Variants in PIPOX observed in about 807,000 individuals in gnomAD.
The protein encoded by PIPOX is peroxisomal sarcosine oxidase.
In PIPOX, 45 loss-of-function variants were observed where a neutral mutation model predicts 47.9. That is an observed-to-expected ratio of 0.94 (90% CI 0.74 to 1.20). The LOEUF is 1.20. PIPOX is among the 50% of genes most tolerant of loss of function. The probability of loss-of-function intolerance (pLI) is 0.00; values close to 1 mark genes in which losing one functional copy is unlikely to be tolerated. For synonymous variants in PIPOX, 165 were observed against 191.3 expected (o/e 0.86, Z 1.13); for missense variants, 458 against 498.4 (o/e 0.92, Z 0.77).
At chr17:29,046,643 A>G (rs1000517637) in intron 2 of PIPOX, 1 of 985,452 alleles carries the variant, frequency 1.0e-6, no homozygotes, top group South Asian at 4.7e-5. Flanking sequence ...GAGGAGACAG[A>G]TGGGTGCAAC....
intron 2 of PIPOX, among the ~76,000 whole-genome samples, chr17:29,051,701 G>C (rs1489746854): frequency 1.3e-5 from 2 of 152,006 alleles, no homozygotes; most frequent in African/African-American, 4.8e-5. Context: ...ATAGAGGGAG[G>C]TACAGGGAGA....
Position 29,056,407 on chromosome 17 carries a change from C to G in PIPOX, c.*102C>G, listed in dbSNP as rs2065828604. ...GTCCCTGAGATATCATCCTTTTCTT[C>G]TGCCTCGCCTGAATCCCCCATAAAC... On this transcript the variant is annotated 3_prime_UTR_variant, in exon 8 of 8. Coordinates refer to ENST00000323372, the MANE Select transcript of PIPOX (RefSeq NM_016518.3). 3.0e-6 allele frequency: 4 copies of G among 1,351,498 alleles called. No individual in the cohort carries two copies. In the South Asian group the frequency reaches 5.2e-5, roughly 17 times the overall value. 83.7% of individuals were successfully genotyped at this position (1,351,498 alleles called of 1,614,324 possible). A position where few individuals can be genotyped will look rare whatever the true frequency, so the allele number is the denominator to read the frequency against.
At position 29,052,995 on chromosome 17, in the gene PIPOX, G is replaced by A; in HGVS notation, c.339G>A (p.Gln113=). 6.2e-7 allele frequency: 1 copy of A among 1,614,280 alleles called. No individual in the cohort carries two copies. The highest frequency in any genetic ancestry group is 1.1e-5 in the South Asian group (1 of 91,092). ...LKTIQANLSR[Q]RVEHQCLSSE... ...CAATCCAGGCCAATCTGTCGAGGCAGAGGGTAGAACACCAGTGTCTTTCAT... is the reference window on the plus strand; with the variant it reads ...CAATCCAGGCCAATCTGTCGAGGCAAAGGGTAGAACACCAGTGTCTTTCAT... The change falls in exon 3 of 8, where the codon CAG becomes CAA. Residue 113 remains glutamine (Q), a synonymous_variant. Transcript: ENST00000323372.
At chr17:29,052,292 C>G (rs1204493266) in intron 2 of PIPOX, among the ~76,000 whole-genome samples, 2 of 152,214 alleles carry the variant, frequency 1.3e-5, no homozygotes, top group Admixed American at 1.3e-4. Context: ...TCCACCACTT[C>G]CAAGCCATGG....
chr17:29,053,903 G>A (rs777213419), intron 4 of PIPOX, among the ~76,000 whole-genome samples: 9 of 152,168 alleles, frequency 5.9e-5, no homozygotes, highest in Admixed American at 3.3e-4. Context: ...TTAAGAGGCC[G>A]GATGTGGTGG....
Position 29,053,435 on chromosome 17 carries a change from G to A in PIPOX, c.500G>A (p.Gly167Asp). 6.2e-7 allele frequency: 1 copy of A among 1,613,376 alleles called. No individual in the cohort carries two copies. The highest frequency in any genetic ancestry group is 8.5e-7 in the Non-Finnish European group (1 of 1,179,432). ...ALQDAIRQLGGIVRDGEKVVE... is the reference protein window; with the variant it reads ...ALQDAIRQLGDIVRDGEKVVE... Reference sequence around the variant, plus strand: ...CAGGATGCAATTCGACAGCTAGGAGGCATAGTGCGTGACGGAGAGAAGGTG... The same window carrying A: ...CAGGATGCAATTCGACAGCTAGGAGACATAGTGCGTGACGGAGAGAAGGTG... Residue 167 changes from glycine to aspartate, a missense_variant, in exon 4 of 8, where the codon GGC (glycine) becomes GAC (aspartate). Coordinates refer to ENST00000323372, the MANE Select transcript of PIPOX (RefSeq NM_016518.3).
intron 2 of PIPOX, among the ~76,000 whole-genome samples, chr17:29,051,354 A>G (rs1169998613): frequency 6.6e-6 from 1 of 152,114 alleles, no homozygotes; most frequent in African/African-American, 2.4e-5. Flanking sequence ...CTGTGTACTG[A>G]CACCCGCCCC....
chr17:29,053,264 C>T, intron 3 of PIPOX, 131 bp downstream of exon 3: 1 of 1,201,946 alleles, frequency 8.3e-7, no homozygotes, highest in Non-Finnish European at 1.2e-6. Flanking sequence ...ACTTTTCCAG[C>T]AGGGCAGTGA....
At chr17:29,053,912 G>A (rs1407097694) in intron 4 of PIPOX, among the ~76,000 whole-genome samples, 1 of 152,158 alleles carries the variant, frequency 6.6e-6, no homozygotes, top group Non-Finnish European at 1.5e-5. Context: ...CGGATGTGGT[G>A]GCTGACACCT....
chr17:29,052,553 C>G (rs552826238), intron 2 of PIPOX, among the ~76,000 whole-genome samples: 30 of 152,292 alleles, frequency 2.0e-4, no homozygotes, highest in South Asian at 4.1e-4. Flanking sequence ...AGCAAATGGC[C>G]CAGGGCTTTG....
At chr17:29,045,166 G>A (rs1834926531) in intron 2 of PIPOX, among the ~76,000 whole-genome samples, 159 bp downstream of exon 2, 1 of 152,202 alleles carries the variant, frequency 6.6e-6, no homozygotes, top group African/African-American at 2.4e-5. Flanking sequence ...TGTCATGGTG[G>A]TCACCCCACA....
At chr17:29,053,872 T>A (rs901223680) in intron 4 of PIPOX, among the ~76,000 whole-genome samples, 3 of 152,202 alleles carry the variant, frequency 2.0e-5, no homozygotes, top group Non-Finnish European at 4.4e-5. Flanking sequence ...ACTAACCTAA[T>A]ATATGCTGTA....
intron 2 of PIPOX, chr17:29,046,798 A>C: frequency 1.2e-3 from 1,157 of 931,140 alleles, no homozygotes; most frequent in Middle Eastern, 1.7e-3. Context: ...TCTAAATCTC[A>C]GCTCTGACAC....
At chr17:29,045,570 C>G (rs2065782705) in intron 2 of PIPOX, among the ~76,000 whole-genome samples, 3 of 151,692 alleles carry the variant, frequency 2.0e-5, no homozygotes, top group African/African-American at 7.3e-5. Flanking sequence ...ACCACCACAC[C>G]CAGCTAATTT....
chr17:29,047,405 G>A (rs1338590826), intron 2 of PIPOX, among the ~76,000 whole-genome samples: 1 of 152,204 alleles, frequency 6.6e-6, no homozygotes, highest in Non-Finnish European at 1.5e-5. Flanking sequence ...GTTGCTGCCG[G>A]GTAGTCAGGG....
intron 2 of PIPOX, chr17:29,046,890 A>G (rs1191564955): frequency 6.1e-6 from 2 of 328,326 alleles, no homozygotes; most frequent in Non-Finnish European, 8.7e-6. Context: ...GGATACTAAT[A>G]CCTGTGTCAT....
intron 5 of PIPOX, 93 bp from the exon 6 acceptor site, chr17:29,054,970 A>C: frequency 6.7e-7 from 1 of 1,497,878 alleles, no homozygotes; most frequent in South Asian, 1.2e-5. Flanking sequence ...GGAATGATGG[A>C]TGGGGCTGTC....
intron 2 of PIPOX, among the ~76,000 whole-genome samples, chr17:29,051,305 C>T (rs757939987): frequency 1.3e-5 from 2 of 152,118 alleles, no homozygotes; most frequent in East Asian, 1.9e-4. Flanking sequence ...GCTGGGTAGG[C>T]GGGGGCCATG....
At position 29,044,980 on chromosome 17, in the gene PIPOX, A is replaced by T. The variant is rs1356987887; in HGVS notation, c.236A>T (p.Glu79Val). Residue 79 changes from glutamate (E) to valine (V), a missense_variant, in exon 2 of 8, where the codon GAG becomes GTG. By Grantham distance (121) the Glu-to-Val change is moderately radical. Transcript: ENST00000323372. ...TGCTATCAGATATGGGCCCAGCTGG[A>T]GCACGAGGCTGGAACCCAATTGCAC... ...HECYQIWAQL[E>V]HEAGTQLHRQ... 1.2e-6 allele frequency: 2 copies of T among 1,611,172 alleles called. No individual in the cohort carries two copies. Among genetic ancestry groups the T allele is most frequent in the Admixed American group, 3.4e-5 (2 of 59,398 alleles).
Sources: gnomAD v4.1 joint callset for allele counts (sites outside exome capture counted in the v4.1 genomes callset) on GRCh38, gnomAD v4.1.1 for gene constraint, MANE v1.5 for transcripts, NCBI Gene and HGNC (gene_info 2026-07-23, HGNC 2026-07-21) for gene names.